KAT14: variants seen among roughly 807,000 people sequenced by gnomAD.
The protein encoded by KAT14 is cysteine-rich protein 2-binding protein.
In KAT14, 66 loss-of-function variants were observed where a neutral mutation model predicts 78.4. The ratio of observed to expected loss-of-function variants is 0.84; its 90% CI spans 0.69 to 1.03. The LOEUF (loss-of-function observed/expected upper bound fraction) is 1.03. Among genes scored for constraint, KAT14 ranks in the 50% least tolerant of loss-of-function variants. The probability of loss-of-function intolerance (pLI) is 0.00; values close to 1 mark genes in which losing one functional copy is unlikely to be tolerated. For synonymous variants in KAT14, 344 were observed against 359.4 expected (o/e 0.96, Z 0.48); for missense variants, 870 against 972.5 (o/e 0.89, Z 1.40).
intron 7 of KAT14, among the ~76,000 whole-genome samples, chr20:18,178,197 T>A (rs896731229): frequency 2.6e-5 from 4 of 152,140 alleles, no homozygotes; most frequent in Non-Finnish European, 5.9e-5. Flanking sequence ...TCAGAAAAGT[T>A]GCAGCCTGAC....
chr20:18,170,894 G>A (rs1330647800), intron 7 of KAT14, among the ~76,000 whole-genome samples: 2 of 152,190 alleles, frequency 1.3e-5, no homozygotes, highest in Non-Finnish European at 2.9e-5. Flanking sequence ...GGTCACCCAA[G>A]AGTTCTGATT....
chr20:18,179,720 C>A (rs2039179338), intron 7 of KAT14, among the ~76,000 whole-genome samples: 1 of 152,170 alleles, frequency 6.6e-6, no homozygotes, highest in Non-Finnish European at 1.5e-5. Flanking sequence ...CTCCTTGTTA[C>A]TTATGTAAAT....
At chr20:18,171,444 C>T (rs2038840735) in intron 7 of KAT14, among the ~76,000 whole-genome samples, 1 of 152,174 alleles carries the variant, frequency 6.6e-6, no homozygotes, top group Admixed American at 6.5e-5. Context: ...ATTGCATAAA[C>T]TTAGTTGATA....
intron 7 of KAT14, among the ~76,000 whole-genome samples, chr20:18,176,611 T>G (rs1205207): frequency 0.99 from 150,138 of 152,274 alleles, 74,023 homozygotes; most frequent in East Asian, 1. Flanking sequence ...GAAGGGTCAG[T>G]GTGGAAGGCC....
chr20:18,155,415 G>T (rs1194012395), intron 4 of KAT14, among the ~76,000 whole-genome samples: 9 of 152,066 alleles, frequency 5.9e-5, no homozygotes, highest in Non-Finnish European at 7.3e-5. Context: ...TGTGTTCCTG[G>T]AGTGGCTTAC....
At chr20:18,147,667 C>G (rs976618377) in intron 3 of KAT14, among the ~76,000 whole-genome samples, 1 of 152,212 alleles carries the variant, frequency 6.6e-6, no homozygotes, top group Admixed American at 6.5e-5. Flanking sequence ...TCACTGCAAC[C>G]TCCGCCTCCC....
intron 7 of KAT14, among the ~76,000 whole-genome samples, chr20:18,170,557 C>A (rs534766285): frequency 6.6e-6 from 1 of 152,154 alleles, no homozygotes; most frequent in Non-Finnish European, 1.5e-5. Context: ...TTTTTTGAGA[C>A]GGAGTCTTGC....
At chr20:18,169,477 G>A (rs73899807) in intron 7 of KAT14, among the ~76,000 whole-genome samples, 2,147 of 152,240 alleles carry the variant, frequency 0.014, 55 homozygotes, top group African/African-American at 0.049. Context: ...TGTGATCAGT[G>A]ATCTTTGATG....
upstream of KAT14, chr20:18,137,861 T>G (rs1014993541): frequency 1.6e-6 from 2 of 1,252,356 alleles, no homozygotes; most frequent in African/African-American, 3.2e-5. Context: ...GCTCGAGGGG[T>G]CGAGCCTGGG....
At position 18,140,196 on chromosome 20, in the gene KAT14, G is replaced by A. The variant is rs111520779; in HGVS notation, c.-453-2012G>A. 5.0e-3 allele frequency among the ~76,000 whole-genome samples: 761 copies of A among 152,074 alleles called. 5 individuals are homozygous for A. Among genetic ancestry groups the A allele is most frequent in the African/African-American group, 0.012 (515 of 41,466 alleles). ...GTGTGGGCTTGGGAGGGTGGGTATC[G>A]GTGTGTCATGGTGTAAGAAGCACAG... On this transcript the variant is annotated intron_variant, in intron 1 of 10. Coordinates refer to ENST00000688188, the MANE Select transcript of KAT14 (RefSeq NM_001392073.1).
At chr20:18,185,574 T>G (rs2039425380) in intron 10 of KAT14, among the ~76,000 whole-genome samples, 1 of 152,252 alleles carries the variant, frequency 6.6e-6, no homozygotes, top group African/African-American at 2.4e-5. Context: ...TTCTAAGATT[T>G]GATTCTAGTA....
At position 18,162,911 on chromosome 20, in the gene KAT14, C is replaced by G. The variant is rs759832009; in HGVS notation, c.1634C>G (p.Thr545Ser). 6.2e-7 allele frequency: 1 copy of G among 1,614,170 alleles called. No homozygotes were observed. Among genetic ancestry groups the G allele is most frequent in the Non-Finnish European group, 8.5e-7 (1 of 1,180,018 alleles). The change falls in exon 7 of 11, where the codon ACC becomes AGC. Residue 545 changes from threonine to serine, a missense_variant. Physicochemically the swap from Thr to Ser is moderately conservative, Grantham distance 58 (BLOSUM62 1). Transcript: ENST00000688188. ...GCTGGACAAGCCACGTACAGAACCA[C>G]CTGTCAGGACTTCAGAATCCTTGAC... The part of the protein sequence containing the change: ...LPAGQATYRT[T>S]CQDFRILDRY...
At chr20:18,170,468 A>C (rs1235246223) in intron 7 of KAT14, among the ~76,000 whole-genome samples, 1 of 152,238 alleles carries the variant, frequency 6.6e-6, no homozygotes, top group Non-Finnish European at 1.5e-5. Flanking sequence ...GGATGACAGC[A>C]TATCTGTTTA....
intron 7 of KAT14, among the ~76,000 whole-genome samples, chr20:18,172,898 CTG>C (rs1436908239): frequency 6.6e-6 from 1 of 152,134 alleles, no homozygotes; most frequent in Non-Finnish European, 1.5e-5. Context: ...CTCTATAGCT[CTG>C]TGAGTAGTTC....
intron 4 of KAT14, among the ~76,000 whole-genome samples, chr20:18,153,199 T>C (rs2038108965): frequency 6.6e-6 from 1 of 152,170 alleles, no homozygotes; most frequent in Non-Finnish European, 1.5e-5. Context: ...ATCACAGCTT[T>C]GCTCATGTTA....
intron 7 of KAT14, among the ~76,000 whole-genome samples, chr20:18,179,465 C>G (rs751861115): frequency 9.2e-5 from 14 of 152,228 alleles, no homozygotes; most frequent in Non-Finnish European, 1.5e-4. Context: ...TCCCAAACCT[C>G]AATTCTGGAC....
chr20:18,176,284 G>A (rs1203421780), intron 7 of KAT14, among the ~76,000 whole-genome samples: 1 of 137,528 alleles, frequency 7.3e-6, no homozygotes, highest in Non-Finnish European at 1.5e-5. Context: ...TTGGGCAACA[G>A]AGTGAGACTT....
rs778446683 is a variant in KAT14 at position 18,142,652 on chromosome 20, A to T, written c.-9A>T. ...TGAGAAGCACTGCCGAGCTTGTGAG[A>T]AGGAAGGGATGGATAGTAGCATCCA... On this transcript the variant is annotated 5_prime_UTR_variant, in exon 2 of 11. Coordinates refer to ENST00000688188, the MANE Select transcript of KAT14 (RefSeq NM_001392073.1). The T allele has an allele frequency of 6.2e-7, 1 of 1,613,710 alleles. No individual in the cohort carries two copies. Among genetic ancestry groups the T allele is most frequent in the Non-Finnish European group, 8.5e-7 (1 of 1,179,656 alleles).
chr20:18,161,546 G>C (rs1433329110), intron 5 of KAT14, among the ~76,000 whole-genome samples: 3 of 152,076 alleles, frequency 2.0e-5, no homozygotes, highest in Admixed American at 2.0e-4. Flanking sequence ...AAGTTGAGTA[G>C]TTATTTTAAA....
Sources: allele counts gnomAD v4.1 joint callset (sites outside exome capture counted in the v4.1 genomes callset), GRCh38; gene constraint gnomAD v4.1.1; transcripts MANE v1.5; gene names NCBI Gene and HGNC (gene_info 2026-07-23, HGNC 2026-07-21).